The following AMMECR1 variants were observed in gnomAD, a reference collection of about 807,000 sequenced individuals.
AMMECR1 encodes nuclear protein AMMECR1.
AMMECR1 carries 3 observed loss-of-function variants against 22.5 expected under a neutral mutation model. That is an observed-to-expected ratio of 0.13 (90% CI 0.06 to 0.35). The LOEUF (loss-of-function observed/expected upper bound fraction) is 0.35. AMMECR1 is among the 10% of genes least tolerant of loss of function. The pLI is 1.00. For synonymous variants in AMMECR1, 130 were observed against 116.7 expected, an observed-to-expected ratio of 1.11 and a Z score of -0.74; for missense variants, 235 against 278.7, an observed-to-expected ratio of 0.84 and a Z score of 1.12.
At chrX:110,399,293 C>T (rs2148294789) in intron 2 of AMMECR1, among the ~76,000 whole-genome samples, 1 of 112,377 alleles carries the variant, frequency 8.9e-6, no homozygotes, top group East Asian at 2.8e-4. Flanking sequence ...GAAGCCTAGG[C>T]TCAGTGAATT....
chrX:110,355,470 C>G (rs2068226535), intron 2 of AMMECR1, among the ~76,000 whole-genome samples: 1 of 111,481 alleles, frequency 9.0e-6, no homozygotes, highest in Non-Finnish European at 1.9e-5. Flanking sequence ...TGTGAATTGC[C>G]AACAGATATG....
In AMMECR1 at chrX:110,195,235, T is replaced by TA. The variant is rs2067364360; in HGVS notation, c.*3284dup. 8.9e-6 allele frequency: 1 copy of TA among 112,001 alleles called. No homozygotes were observed. Among genetic ancestry groups the TA allele is most frequent in the South Asian group, 3.7e-4 (1 of 2,686 alleles). 9.2% of individuals were successfully genotyped at this position (112,001 alleles called of 1,213,427 possible). ...ACTGTATGTGCTGGACTGAAAATCT[T>TA]ACAACTGCTTTAAGCTTTAAGGGTG... is the stretch of plus-strand genomic sequence containing the variant. On this transcript the variant is annotated 3_prime_UTR_variant, in exon 6 of 6. Transcript: ENST00000262844.
chrX:110,343,681 C>T (rs956111353), intron 2 of AMMECR1, among the ~76,000 whole-genome samples: 13 of 111,010 alleles, frequency 1.2e-4, no homozygotes, highest in African/African-American at 4.3e-4. Context: ...AGATCACAAG[C>T]ATTCTTACAC....
upstream of AMMECR1, among the ~76,000 whole-genome samples, chrX:110,320,931 C>T (rs1168278412): frequency 8.9e-6 from 1 of 112,078 alleles, no homozygotes; most frequent in Non-Finnish European, 1.9e-5. Context: ...TCTCCTGAGC[C>T]TGGCTCATCT....
At chrX:110,246,349 CTAAAAA>C (rs990741423) in intron 2 of AMMECR1, among the ~76,000 whole-genome samples, 1 of 112,106 alleles carries the variant, frequency 8.9e-6, no homozygotes, top group Non-Finnish European at 1.9e-5. Context: ...CTCACCATTC[CTAAAAA>C]TAAAAGTAAA....
At chrX:110,427,835 A>G (rs1257485002) in intron 1 of AMMECR1, among the ~76,000 whole-genome samples, 1 of 111,887 alleles carries the variant, frequency 8.9e-6, no homozygotes, top group Non-Finnish European at 1.9e-5. Flanking sequence ...AGAGCCACAC[A>G]TGGTCTCTTA....
intron 1 of AMMECR1, among the ~76,000 whole-genome samples, chrX:110,431,316 G>A (rs1391361035): frequency 1.1e-5 from 1 of 95,031 alleles, no homozygotes. Flanking sequence ...GGAAAATGAG[G>A]GGAAGGCTGT....
intron 1 of AMMECR1, among the ~76,000 whole-genome samples, chrX:110,286,481 G>A (rs2148210247): frequency 9.2e-6 from 1 of 108,893 alleles, no homozygotes; most frequent in Admixed American, 9.8e-5. Context: ...ACCACCCTGA[G>A]CAACATAGCA....
At chrX:110,261,693 C>T (rs768222684) in intron 2 of AMMECR1, among the ~76,000 whole-genome samples, 2 of 111,550 alleles carry the variant, frequency 1.8e-5, no homozygotes, top group East Asian at 2.8e-4. Context: ...TTTCCTGTTG[C>T]AAAATTTCAG....
At chrX:110,242,568 G>A (rs186734953) in intron 2 of AMMECR1, among the ~76,000 whole-genome samples, 1 of 111,870 alleles carries the variant, frequency 8.9e-6, no homozygotes, top group African/African-American at 3.2e-5. Flanking sequence ...TTAATCAGGA[G>A]GAACAAGAGG....
At position 110,371,557 on chromosome X, in the gene AMMECR1, T is replaced by C. The variant is rs1247895335; in HGVS notation, c.-147-53708A>G. Among the ~76,000 whole-genome samples, 10 of 111,358 alleles carry C rather than the reference T, an allele frequency of 9.0e-5. No individual in the cohort carries two copies. The Admixed American group carries it at 9.5e-4, about 11-fold the overall frequency. On this transcript the variant is annotated intron_variant, in intron 2 of 7. Transcript: ENST00000372057. ...AGCCCCCCACTACCTTCCCAGCCTC[T>C]GGTAACCATATGAATTGGCTTCCTT... is the stretch of plus-strand genomic sequence containing the variant.
intron 2 of AMMECR1, among the ~76,000 whole-genome samples, chrX:110,391,637 C>T (rs1449322804): frequency 8.9e-6 from 1 of 111,999 alleles, no homozygotes; most frequent in East Asian, 2.8e-4. Context: ...CCACCACTTC[C>T]ACTTTAAACT....
At chrX:110,366,771 C>T (rs760953) in intron 2 of AMMECR1, among the ~76,000 whole-genome samples, 8,182 of 111,715 alleles carry the variant, frequency 0.073, 435 homozygotes, top group African/African-American at 0.18. Context: ...TGGATAAAAG[C>T]TTATAACCGT....
chrX:110,291,506 A>G (rs1378090620), intron 1 of AMMECR1, among the ~76,000 whole-genome samples: 1 of 111,414 alleles, frequency 9.0e-6, no homozygotes, highest in Admixed American at 9.5e-5. Context: ...AGCCTGGGCG[A>G]CAGAGTGAGA....
chrX:110,438,048 T>C (rs1250508174), intron 1 of AMMECR1, among the ~76,000 whole-genome samples: 1 of 111,766 alleles, frequency 8.9e-6, no homozygotes, highest in Non-Finnish European at 1.9e-5. Context: ...TTAGCAAGAA[T>C]AGAATCTTCC....
intron 3 of AMMECR1, among the ~76,000 whole-genome samples, chrX:110,204,308 T>C (rs1048486171): frequency 3.3e-4 from 37 of 111,623 alleles, no homozygotes; most frequent in African/African-American, 1.2e-3. Flanking sequence ...ACTCTATTTA[T>C]CAAAAACCCG....
chrX:110,355,866 G>A (rs1409982121), intron 2 of AMMECR1, among the ~76,000 whole-genome samples: 1 of 111,542 alleles, frequency 9.0e-6, no homozygotes, highest in Non-Finnish European at 1.9e-5. Flanking sequence ...TAAAGAAAAT[G>A]TAATACCTAT....
At chrX:110,419,469 C>G (rs1360608090) in intron 2 of AMMECR1, among the ~76,000 whole-genome samples, 1 of 112,369 alleles carries the variant, frequency 8.9e-6, no homozygotes, top group African/African-American at 3.2e-5. Flanking sequence ...TTCCTTAACC[C>G]CATTTACTGC....
rs760664219 is a variant in AMMECR1, at chrX:110,312,823, TCAGA to T, written c.473+4772_473+4775del. On this transcript the variant is annotated intron_variant, in intron 1 of 5. Transcript: ENST00000262844. The stretch of plus-strand genomic sequence containing the variant: ...TATACCTTCAAAATGACTCAATTGT[TCAGA>T]CAGTGTTTTGCTTTTATAAGAAAAA... Among the ~76,000 whole-genome samples the T allele has an allele frequency of 3.6e-5, 4 of 111,541 alleles. No homozygotes were observed. The South Asian group carries it at 1.5e-3, about 42-fold the overall frequency.
Sources: allele counts gnomAD v4.1 joint callset (sites outside exome capture counted in the v4.1 genomes callset), GRCh38; gene constraint gnomAD v4.1.1; transcripts MANE v1.5; gene names NCBI Gene and HGNC (gene_info 2026-07-23, HGNC 2026-07-21).